CFAP251: variants seen among roughly 807,000 people sequenced by gnomAD.
CFAP251 encodes cilia- and flagella-associated protein 251.
A neutral mutation model predicts 126.7 loss-of-function variants in CFAP251; 93 were observed. That is an observed-to-expected ratio of 0.73 (90% CI 0.62 to 0.87). CFAP251 has a LOEUF of 0.87. Ranked by LOEUF, CFAP251 falls within the 40% of genes least tolerant of loss-of-function variation. The probability of loss-of-function intolerance (pLI) is 0.00; values close to 1 mark genes in which losing one functional copy is unlikely to be tolerated. For synonymous variants in CFAP251, 503 were observed against 506.9 expected (o/e 0.99, Z 0.10); for missense variants, 1,287 against 1,389.2 (o/e 0.93, Z 1.17).
intron 19 of CFAP251, among the ~76,000 whole-genome samples, chr12:121,988,662 T>TTTCTTG (rs1240248376): frequency 2.0e-5 from 3 of 152,226 alleles, no homozygotes; most frequent in Non-Finnish European, 4.4e-5. Flanking sequence ...GTTTTCCCAT[T>TTTCTTG]TTCTTGGCTA....
intron 1 of CFAP251, among the ~76,000 whole-genome samples, chr12:121,920,436 G>T (rs1880120287): frequency 1.4e-5 from 2 of 143,654 alleles, no homozygotes; most frequent in South Asian, 2.2e-4. Context: ...TCGCTGTGTT[G>T]CCCAGGCTGG....
intron 3 of CFAP251, among the ~76,000 whole-genome samples, chr12:121,925,971 A>C (rs901038992): frequency 5.3e-5 from 8 of 149,696 alleles, no homozygotes; most frequent in Middle Eastern, 7.1e-3. Flanking sequence ...CAGCCTCCCG[A>C]GTAGCTGGGA....
At chr12:121,983,389 A>G (rs547353890) in intron 19 of CFAP251, among the ~76,000 whole-genome samples, 1 of 148,158 alleles carries the variant, frequency 6.7e-6, no homozygotes, top group Non-Finnish European at 1.5e-5. Flanking sequence ...TGGGCACCAT[A>G]GCTCTCCAAA....
chr12:121,973,878 C>T (rs1433606456), intron 17 of CFAP251, among the ~76,000 whole-genome samples: 1 of 152,098 alleles, frequency 6.6e-6, no homozygotes, highest in Non-Finnish European at 1.5e-5. Flanking sequence ...TCAGATAAGA[C>T]TTTGGATGTG....
At chr12:121,992,618 C>T in intron 19 of CFAP251, 1 of 639,448 alleles carries the variant, frequency 1.6e-6, no homozygotes, top group Non-Finnish European at 1.9e-6. Flanking sequence ...ACTCCTGTTG[C>T]CCAGGCTGGA....
intron 19 of CFAP251, among the ~76,000 whole-genome samples, chr12:121,985,383 A>G (rs1322954064): frequency 6.6e-6 from 1 of 151,948 alleles, no homozygotes; most frequent in Non-Finnish European, 1.5e-5. Flanking sequence ...AAAATACAAA[A>G]ATTAGCTGGG....
rs548533068 is a variant in CFAP251 at position 121,967,441 on chromosome 12, G to A, written c.2607+372G>A. Among the ~76,000 whole-genome samples the A allele has an allele frequency of 2.6e-4, 40 of 152,302 alleles. 1 individual carries two copies. The South Asian group carries it at 6.0e-3, about 23-fold the overall frequency. On this transcript the variant is annotated intron_variant, in intron 16 of 21. Coordinates refer to ENST00000288912, the MANE Select transcript of CFAP251 (RefSeq NM_144668.6). The stretch of plus-strand genomic sequence containing the variant: ...AGTCGGGCCAGGTGAGGTGGCTCAC[G>A]CCTGTAATCCCAGCACTTTGGGAGG...
chr12:121,960,962 G>A (rs928677623), intron 14 of CFAP251, among the ~76,000 whole-genome samples: 2 of 152,194 alleles, frequency 1.3e-5, no homozygotes, highest in East Asian at 3.8e-4. Context: ...TGTGCTGAAC[G>A]AGGAGGCTTC....
intron 17 of CFAP251, chr12:121,969,626 C>T (rs1882266652): frequency 2.7e-6 from 2 of 747,200 alleles, no homozygotes; most frequent in East Asian, 1.3e-4. Context: ...GCTGGGACCA[C>T]AGGCATATGC....
In CFAP251 at chr12:121,921,567, G is replaced by A. The variant is rs1592957768; in HGVS notation, c.262G>A (p.Glu88Lys). ...AAAGGCTGGAGAAGTCCAAGAGAAG[G>A]AGGCTTCAGGAATACAGGAAGAAAC... The part of the protein sequence containing the change: ...EEKAGEVQEK[E>K]ASGIQEETTV... The change falls in exon 2 of 22, where the codon GAG becomes AAG. Residue 88 changes from glutamate to lysine, a missense_variant. Physicochemically the swap from Glu to Lys is moderately conservative, Grantham distance 56. Coordinates refer to ENST00000288912, the MANE Select transcript of CFAP251 (RefSeq NM_144668.6). 1.2e-6 allele frequency: 2 copies of A among 1,614,096 alleles called. No individual in the cohort carries two copies. The highest frequency in any genetic ancestry group is 4.5e-5 in the East Asian group (2 of 44,870).
chr12:121,954,664 A>AAAAAC (rs1565911556), intron 10 of CFAP251, among the ~76,000 whole-genome samples: 3 of 147,844 alleles, frequency 2.0e-5, no homozygotes, highest in Non-Finnish European at 4.5e-5. Flanking sequence ...AAAAAAAAAA[A>AAAAAC]AAAACCTCTT....
At chr12:121,979,113 G>A (rs1473199698) in intron 19 of CFAP251, among the ~76,000 whole-genome samples, 2 of 152,032 alleles carry the variant, frequency 1.3e-5, no homozygotes, top group Admixed American at 1.3e-4. Context: ...CACCTGTTTT[G>A]TGTGCTCCAG....
At chr12:121,978,615 G>GTA (rs2135802346) in intron 19 of CFAP251, among the ~76,000 whole-genome samples, 1 of 151,742 alleles carries the variant, frequency 6.6e-6, no homozygotes, top group Non-Finnish European at 1.5e-5. Context: ...AGATTATATG[G>GTA]TATATATATG....
At chr12:121,957,506 C>T (rs1163752409) in intron 11 of CFAP251, among the ~76,000 whole-genome samples, 2 of 150,998 alleles carry the variant, frequency 1.3e-5, no homozygotes, top group South Asian at 4.2e-4. Context: ...AGATCGAGAC[C>T]ATCCTGGCTA....
intron 9 of CFAP251, among the ~76,000 whole-genome samples, chr12:121,951,742 G>A (rs551503871): frequency 3.1e-4 from 47 of 151,712 alleles, no homozygotes; most frequent in Admixed American, 2.7e-3. Flanking sequence ...TTTTTGAGAC[G>A]GAGTCTTGCT....
At chr12:121,985,449 G>C (rs892930491) in intron 19 of CFAP251, among the ~76,000 whole-genome samples, 1 of 149,574 alleles carries the variant, frequency 6.7e-6, no homozygotes, top group Admixed American at 6.7e-5. Context: ...CAGGAGAATC[G>C]CTTGAACCCA....
At chr12:121,954,099 A>G (rs374545562) in intron 9 of CFAP251, 21 bp from the exon 10 acceptor site, 4 of 1,599,614 alleles carry the variant, frequency 2.5e-6, no homozygotes, top group Non-Finnish European at 3.4e-6. Flanking sequence ...AACAGTAACT[A>G]TAACCTTTCT....
intron 15 of CFAP251, among the ~76,000 whole-genome samples, chr12:121,963,212 G>A (rs764910581): frequency 2.6e-5 from 4 of 152,194 alleles, no homozygotes; most frequent in Non-Finnish European, 5.9e-5. Context: ...TCAGATTCTG[G>A]ATATATCCTG....
At chr12:121,976,754 C>G (rs78982798) in intron 19 of CFAP251, among the ~76,000 whole-genome samples, 3 of 151,860 alleles carry the variant, frequency 2.0e-5, no homozygotes, top group African/African-American at 4.8e-5. Flanking sequence ...CCATCCCCCC[C>G]AAAAAATTGC....
Sources: gnomAD v4.1 joint callset for allele counts (sites outside exome capture counted in the v4.1 genomes callset) on GRCh38, gnomAD v4.1.1 for gene constraint, MANE v1.5 for transcripts, NCBI Gene and HGNC (gene_info 2026-07-23, HGNC 2026-07-21) for gene names.